Variants in RBFOX1 observed in about 807,000 individuals in gnomAD.
RBFOX1 encodes the protein RNA binding fox-1 homolog 1, also known as RNA binding protein fox-1 homolog 1.
In RBFOX1, 8 loss-of-function variants were observed where a neutral mutation model predicts 57.7. That is an observed-to-expected ratio of 0.14 (90% CI 0.08 to 0.25). The LOEUF is 0.25. Ranked by LOEUF, RBFOX1 falls within the 10% of genes least tolerant of loss-of-function variation. The pLI is 1.00. For synonymous variants in RBFOX1, 326 were observed against 222.4 expected (o/e 1.47, Z -4.15); for missense variants, 611 against 548.5 (o/e 1.11, Z -1.14).
chr16:7,362,797 G>C (rs1236370789), intron 4 of RBFOX1, among the ~76,000 whole-genome samples: 1 of 152,148 alleles, frequency 6.6e-6, no homozygotes. Context: ...TGCATTTCAA[G>C]TGTTCACTGC....
intron 3 of RBFOX1, among the ~76,000 whole-genome samples, chr16:5,727,488 A>G (rs924445686): frequency 3.3e-5 from 5 of 152,202 alleles, no homozygotes; most frequent in Non-Finnish European, 7.3e-5. Context: ...TAACCTTTGT[A>G]TGTGTGTGTA....
chr16:7,214,027 C>G (rs12918478), intron 4 of RBFOX1, among the ~76,000 whole-genome samples: 37,830 of 151,828 alleles, frequency 0.25, 5,383 homozygotes, highest in Middle Eastern at 0.35. Context: ...TTGACCTCTC[C>G]CCTTTGCCTA....
intron 4 of RBFOX1, among the ~76,000 whole-genome samples, chr16:5,917,581 C>T (rs950484774): frequency 6.6e-6 from 1 of 152,198 alleles, no homozygotes; most frequent in African/African-American, 2.4e-5. Context: ...GAGACTCAAA[C>T]TCTGGACTGC....
At chr16:6,106,438 C>G (rs1168863959) in intron 1 of RBFOX1, among the ~76,000 whole-genome samples, 1 of 116,898 alleles carries the variant, frequency 8.6e-6, no homozygotes, top group East Asian at 2.6e-4. Flanking sequence ...TGTACTCCAG[C>G]CTGGGCAAAA....
chr16:6,587,138 T>C (rs756345449), intron 2 of RBFOX1, among the ~76,000 whole-genome samples: 1 of 152,134 alleles, frequency 6.6e-6, no homozygotes, highest in South Asian at 2.1e-4. Context: ...ATTCCTCTTA[T>C]CTAACTGAAT....
At chr16:5,820,915 C>G (rs1466955937) in intron 3 of RBFOX1, among the ~76,000 whole-genome samples, 1 of 152,186 alleles carries the variant, frequency 6.6e-6, no homozygotes, top group Admixed American at 6.5e-5. Context: ...TCAGGCTCCA[C>G]AATGCCACAC....
At chr16:6,470,048 G>A in intron 2 of RBFOX1, among the ~76,000 whole-genome samples, 1 of 152,186 alleles carries the variant, frequency 6.6e-6, no homozygotes, top group East Asian at 1.9e-4. Flanking sequence ...CAGTCATTAA[G>A]TATCTACTTT....
chr16:5,835,802 C>T (rs931399545), intron 3 of RBFOX1, among the ~76,000 whole-genome samples: 3 of 152,216 alleles, frequency 2.0e-5, no homozygotes, highest in Non-Finnish European at 2.9e-5. Flanking sequence ...CTTCTTTAGT[C>T]TTTTTCTGGG....
intron 2 of RBFOX1, among the ~76,000 whole-genome samples, chr16:5,474,627 C>G (rs553179970): frequency 6.6e-6 from 1 of 151,566 alleles, no homozygotes; most frequent in Non-Finnish European, 1.5e-5. Context: ...GCACTCCAGC[C>G]TGGGGGACAA....
At chr16:6,368,335 A>G (rs1163883185) in intron 2 of RBFOX1, among the ~76,000 whole-genome samples, 1 of 152,238 alleles carries the variant, frequency 6.6e-6, no homozygotes, top group East Asian at 1.9e-4. Flanking sequence ...TCAGTCTGCA[A>G]GGGCAGAACC....
rs867450152 is a variant in RBFOX1, at chr16:5,430,132, C to T, written c.220-37084C>T. On this transcript the variant is annotated intron_variant, in intron 1 of 2. Coordinates refer to the RBFOX1 transcript ENST00000585867. ...CCACTGACCATCAGCTGGGGGGATA[C>T]AGGGAGAAGGGAAGCAGGAAAAAGT... Among the ~76,000 whole-genome samples, 64 of 152,288 alleles carry T rather than the reference C, an allele frequency of 4.2e-4. 1 individual carries two copies. Among genetic ancestry groups the T allele is most frequent in the African/African-American group, 1.5e-3 (63 of 41,572 alleles).
At chr16:6,714,858 T>A (rs573256237) in intron 3 of RBFOX1, among the ~76,000 whole-genome samples, 1 of 152,034 alleles carries the variant, frequency 6.6e-6, no homozygotes, top group Non-Finnish European at 1.5e-5. Flanking sequence ...TGAGGTTCTG[T>A]TTGGGAGGCA....
intron 4 of RBFOX1, among the ~76,000 whole-genome samples, chr16:7,284,437 C>T (rs2095608917): frequency 6.6e-6 from 1 of 152,146 alleles, no homozygotes; most frequent in South Asian, 2.1e-4. Flanking sequence ...CACAAGCAGT[C>T]CTCCCACCTC....
intron 2 of RBFOX1, among the ~76,000 whole-genome samples, chr16:6,620,186 C>G (rs1314492500): frequency 6.6e-6 from 1 of 152,104 alleles, no homozygotes; most frequent in African/African-American, 2.4e-5. Flanking sequence ...CAAAATCAGT[C>G]AGAATTCACT....
At chr16:5,318,526 G>A (rs1387107038) in intron 1 of RBFOX1, among the ~76,000 whole-genome samples, 1 of 152,052 alleles carries the variant, frequency 6.6e-6, no homozygotes, top group Admixed American at 6.6e-5. Context: ...TGCACTCTGT[G>A]GATTGCTTGG....
intron 4 of RBFOX1, among the ~76,000 whole-genome samples, chr16:7,178,183 C>G (rs1047614820): frequency 1.3e-5 from 2 of 152,204 alleles, no homozygotes; most frequent in African/African-American, 2.4e-5. Context: ...CATGCAAAGC[C>G]CACCATGGGC....
At chr16:7,429,423 A>G (rs1295559849) in intron 4 of RBFOX1, among the ~76,000 whole-genome samples, 1 of 152,126 alleles carries the variant, frequency 6.6e-6, no homozygotes, top group Non-Finnish European at 1.5e-5. Context: ...ATCAAAAGTG[A>G]TCCTGCCCAG....
intron 1 of RBFOX1, among the ~76,000 whole-genome samples, chr16:5,378,242 G>A (rs2066038946): frequency 6.6e-6 from 1 of 151,600 alleles, no homozygotes; most frequent in African/African-American, 2.4e-5. Flanking sequence ...GAGATTGAGG[G>A]ATCTCCTGGG....
At chr16:6,586,736 C>A (rs1393962524) in intron 2 of RBFOX1, among the ~76,000 whole-genome samples, 3 of 152,168 alleles carry the variant, frequency 2.0e-5, no homozygotes, top group African/African-American at 4.8e-5. Context: ...AGAGAACCTT[C>A]TCTTCAGTGG....
Sources: gnomAD v4.1 joint callset for allele counts (sites outside exome capture counted in the v4.1 genomes callset) on GRCh38, gnomAD v4.1.1 for gene constraint, MANE v1.5 for transcripts, NCBI Gene and HGNC (gene_info 2026-07-23, HGNC 2026-07-21) for gene names.